Variants in ENTREP2 observed in about 807,000 individuals in gnomAD.
ENTREP2 encodes protein ENTREP2.
the ENTREP2 span, among the ~76,000 whole-genome samples, chr15:29,542,995 T>C: frequency 2.6e-5 from 4 of 152,222 alleles, no homozygotes; most frequent in Non-Finnish European, 4.4e-5. Context: ...CCTGGGTTGC[T>C]TCCACCTCTT....
At chr15:29,301,848 G>A in the ENTREP2 span, among the ~76,000 whole-genome samples, 1 of 152,224 alleles carries the variant, frequency 6.6e-6, no homozygotes, top group African/African-American at 2.4e-5. Flanking sequence ...CACCATGTGA[G>A]GACACAGCGA....
At chr15:29,544,953 T>C in the ENTREP2 span, among the ~76,000 whole-genome samples, 1 of 152,154 alleles carries the variant, frequency 6.6e-6, no homozygotes, top group Non-Finnish European at 1.5e-5. Flanking sequence ...TACTGCCATG[T>C]AGTTGAATTT....
At chr15:29,350,435 T>A in the ENTREP2 span, among the ~76,000 whole-genome samples, 2 of 152,216 alleles carry the variant, frequency 1.3e-5, no homozygotes, top group South Asian at 4.1e-4. Context: ...AATTTTTGAT[T>A]GCCTCTATTG....
At chr15:29,492,501 T>G in the ENTREP2 span, among the ~76,000 whole-genome samples, 1 of 152,152 alleles carries the variant, frequency 6.6e-6, no homozygotes, top group South Asian at 2.1e-4. Context: ...ACAAATTGTG[T>G]TCTATAAAAC....
chr15:29,226,782 A>G, the ENTREP2 span, among the ~76,000 whole-genome samples: 1 of 152,344 alleles, frequency 6.6e-6, no homozygotes, highest in South Asian at 2.1e-4. Flanking sequence ...AAATTCAAAC[A>G]GGCTTTGGAA....
chr15:29,470,263 T>C, the ENTREP2 span, among the ~76,000 whole-genome samples: 1 of 152,192 alleles, frequency 6.6e-6, no homozygotes, highest in East Asian at 1.9e-4. Flanking sequence ...CTATGTGTGG[T>C]TGAGCATCCG....
the ENTREP2 span, among the ~76,000 whole-genome samples, chr15:29,209,759 C>T: frequency 6.6e-6 from 1 of 152,154 alleles, no homozygotes; most frequent in African/African-American, 2.4e-5. Flanking sequence ...TCTCCCTCTG[C>T]TCTCGGGGAC....
At chr15:29,626,092 C>T in the ENTREP2 span, among the ~76,000 whole-genome samples, 2 of 152,200 alleles carry the variant, frequency 1.3e-5, no homozygotes. Context: ...TATGATCAAC[C>T]CACCTCGGCC....
chr15:29,169,790 C>G, the ENTREP2 span, among the ~76,000 whole-genome samples: 1 of 152,120 alleles, frequency 6.6e-6, no homozygotes, highest in Non-Finnish European at 1.5e-5. Context: ...TCAAGAAACC[C>G]TACAGCAAAC....
At chr15:29,521,578 A>T in the ENTREP2 span, among the ~76,000 whole-genome samples, 2 of 152,182 alleles carry the variant, frequency 1.3e-5, no homozygotes, top group Non-Finnish European at 2.9e-5. Flanking sequence ...ACCTTTCAGT[A>T]AAATAAAACT....
chr15:29,650,904 T>C, the ENTREP2 span, among the ~76,000 whole-genome samples: 2 of 152,094 alleles, frequency 1.3e-5, no homozygotes, highest in Admixed American at 1.3e-4. Context: ...TAGTCCTAAC[T>C]ACTTGGGAGG....
chr15:29,379,618 A>C, the ENTREP2 span, among the ~76,000 whole-genome samples: 1 of 151,850 alleles, frequency 6.6e-6, no homozygotes, highest in Admixed American at 6.6e-5. Flanking sequence ...ACATCCCCCC[A>C]CTGGGATGAG....
the ENTREP2 span, among the ~76,000 whole-genome samples, chr15:29,529,629 C>T: frequency 2.0e-5 from 3 of 151,962 alleles, no homozygotes; most frequent in Non-Finnish European, 2.9e-5. Flanking sequence ...AGGGACAGTC[C>T]CTCCAGCATC....
At chr15:29,602,297 T>C in the ENTREP2 span, among the ~76,000 whole-genome samples, 1 of 152,220 alleles carries the variant, frequency 6.6e-6, no homozygotes, top group Non-Finnish European at 1.5e-5. Flanking sequence ...AATTTTATTT[T>C]CTTCACCAGA....
the ENTREP2 span, among the ~76,000 whole-genome samples, chr15:29,385,128 G>A: frequency 4.8e-4 from 73 of 152,192 alleles, 2 homozygotes; most frequent in South Asian, 0.014. Context: ...CAGATTGAAC[G>A]CCTTGACCTC....
chr15:29,556,117 G>C, the ENTREP2 span, among the ~76,000 whole-genome samples: 1 of 152,144 alleles, frequency 6.6e-6, no homozygotes, highest in African/African-American at 2.4e-5. Flanking sequence ...AAATTAGCCG[G>C]GAGTGGTGGC....
At chr15:29,450,009 G>A in the ENTREP2 span, among the ~76,000 whole-genome samples, 1 of 152,062 alleles carries the variant, frequency 6.6e-6, no homozygotes, top group Non-Finnish European at 1.5e-5. Context: ...AAGTGATATT[G>A]AGCATTTTTT....
At chr15:29,669,115 A>G in the ENTREP2 span, among the ~76,000 whole-genome samples, 1 of 152,218 alleles carries the variant, frequency 6.6e-6, no homozygotes, top group Non-Finnish European at 1.5e-5. Flanking sequence ...CTGAGGCATG[A>G]GATTTGATTG....
At chr15:29,591,494 A>G in the ENTREP2 span, among the ~76,000 whole-genome samples, 5 of 152,186 alleles carry the variant, frequency 3.3e-5, no homozygotes, top group African/African-American at 1.2e-4. Context: ...CCAAATCTCC[A>G]GTAACTGTGA....
Sources: gnomAD v4.1 joint callset for allele counts (sites outside exome capture counted in the v4.1 genomes callset) on GRCh38, gnomAD v4.1.1 for gene constraint, MANE v1.5 for transcripts, NCBI Gene and HGNC (gene_info 2026-07-23, HGNC 2026-07-21) for gene names.